The following RIMBP2 variants were observed in gnomAD, a reference collection of about 807,000 sequenced individuals.
RIMBP2 encodes RIMS binding protein 2.
A neutral mutation model predicts 118.6 loss-of-function variants in RIMBP2; 48 were observed. The observed-to-expected ratio is 0.40, with a 90% CI of 0.32 to 0.51. The LOEUF (loss-of-function observed/expected upper bound fraction) is 0.51, where lower values mean the gene tolerates loss of function less well. Ranked by LOEUF, RIMBP2 falls within the 20% of genes least tolerant of loss-of-function variation. The probability of loss-of-function intolerance (pLI) is 0.41; values close to 1 mark genes in which losing one functional copy is unlikely to be tolerated. For missense variants in RIMBP2, 1,551 were observed against 1,768.3 expected (o/e 0.88, Z 2.20); for synonymous variants, 762 against 742.9 (o/e 1.03, Z -0.42).
At chr12:130,538,626 A>G (rs2054284407) in intron 2 of RIMBP2, among the ~76,000 whole-genome samples, 1 of 152,106 alleles carries the variant, frequency 6.6e-6, no homozygotes, top group Admixed American at 6.5e-5. Flanking sequence ...TGAACCTCTG[A>G]GCTATAATAA....
chr12:130,680,759 G>A (rs1335432318), intron 1 of RIMBP2, among the ~76,000 whole-genome samples: 1 of 152,202 alleles, frequency 6.6e-6, no homozygotes, highest in Non-Finnish European at 1.5e-5. Flanking sequence ...GCATGGAACA[G>A]CCCCATGACA....
intron 1 of RIMBP2, chr12:130,667,318 C>T (rs570734392): frequency 6.6e-6 from 1 of 152,118 alleles, no homozygotes; most frequent in Non-Finnish European, 1.5e-5. Flanking sequence ...TTGACAGTTT[C>T]CTGCCCCAGC....
chr12:130,441,726 C>T (rs2078155059), intron 11 of RIMBP2, 122 bp downstream of exon 11: 1 of 851,486 alleles, frequency 1.2e-6, no homozygotes, highest in African/African-American at 1.7e-5. Flanking sequence ...AAGGGATTTT[C>T]CAGGGTCATG....
Position 130,424,586 on chromosome 12 carries a change from G to A in RIMBP2, c.2685C>T (p.Pro895=). The change falls in exon 16 of 23, where the codon CCC becomes CCT. Residue 895 remains proline (P), a synonymous_variant. Coordinates refer to ENST00000690449, the MANE Select transcript of RIMBP2 (RefSeq NM_001393629.1). This position sits in a 1 kb window ranked among gnomAD's most constrained non-coding sequence, Gnocchi z 9.8. ...PVKHRGSGAV[P]HVEDFLLEDR... is the part of the protein sequence containing the mutation. ...CTTCCAGAAGGAAGTCCTCCACGTGGGGGACGGCCCCCGAGCCCCTGTGCT... is the reference window on the plus strand; with the variant it reads ...CTTCCAGAAGGAAGTCCTCCACGTGAGGGACGGCCCCCGAGCCCCTGTGCT... 2 of 1,231,964 alleles carry A rather than the reference G, an allele frequency of 1.6e-6. No homozygotes were observed. The highest frequency in any genetic ancestry group is 2.0e-6 in the Non-Finnish European group (2 of 987,852). 76.3% of individuals were successfully genotyped at this position (1,231,964 alleles called of 1,614,324 possible).
intron 4 of RIMBP2, among the ~76,000 whole-genome samples, chr12:130,505,481 ACCCC>A (rs1593563354): frequency 9.9e-5 from 1 of 10,104 alleles, no homozygotes. Context: ...CCCATCCCCC[ACCCC>A]CTCCACTCCC....
At chr12:130,410,090 G>A (rs2075587220) in intron 19 of RIMBP2, among the ~76,000 whole-genome samples, 1 of 152,252 alleles carries the variant, frequency 6.6e-6, no homozygotes. Flanking sequence ...CATTCTCAGT[G>A]TGTGTGCATT....
intron 22 of RIMBP2, 111 bp from the exon 23 acceptor site, chr12:130,397,660 T>A (rs2074165780): frequency 2.5e-6 from 1 of 396,648 alleles, no homozygotes; most frequent in Non-Finnish European, 4.4e-6. Context: ...GGGGGGTTCA[T>A]TTGTTCTTTC....
At chr12:130,618,433 T>C (rs34984549) in intron 2 of RIMBP2, among the ~76,000 whole-genome samples, 43,163 of 152,036 alleles carry the variant, frequency 0.28, 6,815 homozygotes, top group East Asian at 0.48. Flanking sequence ...CGGATCCTAC[T>C]GGCCCCCTCC....
intron 2 of RIMBP2, among the ~76,000 whole-genome samples, chr12:130,610,697 A>T (rs890734112): frequency 6.6e-6 from 1 of 150,714 alleles, no homozygotes; most frequent in African/African-American, 2.4e-5. Context: ...AGTAGCTGGG[A>T]CTACAGGCGC....
At position 130,490,220 on chromosome 12, in the gene RIMBP2, C is replaced by T. The variant is rs138614222; in HGVS notation, c.-3-11204G>A. ...TCACTTGAGTTGTTGCAACTGGACT[C>T]AAACCTGCTTCACAGACTTACTGTG... On this transcript the variant is annotated intron_variant, in intron 4 of 22. Coordinates refer to ENST00000690449, the MANE Select transcript of RIMBP2 (RefSeq NM_001393629.1). Among the ~76,000 whole-genome samples the T allele has an allele frequency of 5.1e-4, 77 of 151,402 alleles. 1 individual carries two copies. The East Asian group carries it at 0.014, about 27-fold the overall frequency.
At chr12:130,716,029 G>A (rs1329610953) in intron 1 of RIMBP2, among the ~76,000 whole-genome samples, 193 bp downstream of exon 1, 2 of 152,088 alleles carry the variant, frequency 1.3e-5, no homozygotes, top group South Asian at 2.1e-4. Flanking sequence ...AGCAGGGCGA[G>A]CCGCTGCTCC....
In RIMBP2 at chr12:130,604,586, C is replaced by CT. The variant is rs71088767; in HGVS notation, c.-217+23735dup. On this transcript the variant is annotated intron_variant, in intron 2 of 22. Transcript: ENST00000690449. ...CCCTATACAGATGCCCCTTTTCTTT[C>CT]TTTTTTTTTTTTTTTGAGACAGAGT... is the stretch of plus-strand genomic sequence containing the variant. Among the ~76,000 whole-genome samples, 549 of 56,736 alleles carry CT rather than the reference C, an allele frequency of 9.7e-3. 79 individuals are homozygous for CT. Among genetic ancestry groups the CT allele is most frequent in the African/African-American group, 0.025 (358 of 14,306 alleles). The allele number at this position is 56,736 out of a possible 152,430, so 37.2% of individuals were successfully genotyped here. A position where few individuals can be genotyped will look rare whatever the true frequency, so the allele number is the denominator to read the frequency against.
intron 2 of RIMBP2, among the ~76,000 whole-genome samples, chr12:130,615,847 T>G (rs1202155481): frequency 6.6e-6 from 1 of 152,140 alleles, no homozygotes; most frequent in Non-Finnish European, 1.5e-5. Flanking sequence ...CTGTGGTGGT[T>G]GGCACCGGTT....
intron 3 of RIMBP2, among the ~76,000 whole-genome samples, chr12:130,508,980 C>G (rs1412557263): frequency 1.3e-5 from 2 of 152,134 alleles, no homozygotes; most frequent in Non-Finnish European, 2.9e-5. Flanking sequence ...CCCGTACCAT[C>G]CGGCTTCTAA....
intron 4 of RIMBP2, among the ~76,000 whole-genome samples, chr12:130,494,280 C>T (rs1026745553): frequency 3.3e-5 from 5 of 152,158 alleles, no homozygotes; most frequent in African/African-American, 4.8e-5. Flanking sequence ...CCCGCCACCA[C>T]GGTTCTCCCT....
chr12:130,487,000 G>A (rs935039041), intron 4 of RIMBP2, among the ~76,000 whole-genome samples: 5 of 152,118 alleles, frequency 3.3e-5, no homozygotes, highest in Non-Finnish European at 5.9e-5. Flanking sequence ...CAACTGCACC[G>A]GGAACAAAAT....
At chr12:130,512,254 C>T (rs1397769175) in intron 3 of RIMBP2, among the ~76,000 whole-genome samples, 1 of 152,056 alleles carries the variant, frequency 6.6e-6, no homozygotes, top group Non-Finnish European at 1.5e-5. Context: ...AATGCCCTGG[C>T]CTCTGGCTGA....
chr12:130,674,451 G>A (rs894273512), intron 1 of RIMBP2, among the ~76,000 whole-genome samples: 1 of 152,156 alleles, frequency 6.6e-6, no homozygotes, highest in African/African-American at 2.4e-5. Context: ...GCTGCTTCCT[G>A]GGGGACAGAG....
intron 2 of RIMBP2, among the ~76,000 whole-genome samples, chr12:130,527,658 C>G (rs1363077255): frequency 1.3e-5 from 2 of 152,016 alleles, no homozygotes; most frequent in Non-Finnish European, 2.9e-5. Context: ...AACAGACAAC[C>G]TGCAGAATGG....
Sources: gnomAD v4.1 joint callset for allele counts (sites outside exome capture counted in the v4.1 genomes callset) on GRCh38, gnomAD v4.1.1 for gene constraint, Gnocchi (gnomAD v3.1) non-coding constraint, MANE v1.5 for transcripts, NCBI Gene and HGNC (gene_info 2026-07-23, HGNC 2026-07-21) for gene names.